Variants in ESR1 observed in about 807,000 individuals in gnomAD.
ESR1 encodes the protein estrogen receptor.
A neutral mutation model predicts 52.7 loss-of-function variants in ESR1; 12 were observed. That is an observed-to-expected ratio of 0.23 (90% CI 0.15 to 0.37). The LOEUF (loss-of-function observed/expected upper bound fraction) is 0.37, where lower values mean the gene tolerates loss of function less well. Among genes scored for constraint, ESR1 ranks in the 10% least tolerant of loss-of-function variants. The pLI, the probability that ESR1 is intolerant of heterozygous loss-of-function variation, is 1.00. For missense variants in ESR1, 584 were observed against 779.7 expected, an observed-to-expected ratio of 0.75 and a Z score of 2.99; for synonymous variants, 305 against 316.8, an observed-to-expected ratio of 0.96 and a Z score of 0.39.
rs2128526250 is a variant in ESR1 at position 151,944,212 on chromosome 6, A to T, written c.800A>T (p.His267Leu). The change falls in exon 4 of 8, where the codon CAC becomes CTC. Residue 267 changes from histidine to leucine, a missense_variant. Around this residue, in one of 6 missense-constraint regions of ESR1, gnomAD observed 88 missense variants for 88.3 expected, o/e 1.00. Coordinates refer to ENST00000206249, the MANE Select transcript of ESR1 (RefSeq NM_000125.4). ...CGAAGAGGAGGGAGAATGTTGAAAC[A>T]CAAGCGCCAGAGAGATGATGGGGAG... ...KDRRGGRMLK[H>L]KRQRDDGEGR... The T allele has an allele frequency of 1.2e-6, 2 of 1,614,116 alleles. No individual in the cohort carries two copies. Among genetic ancestry groups the T allele is most frequent in the South Asian group, 2.2e-5 (2 of 91,078 alleles).
intron 4 of ESR1, among the ~76,000 whole-genome samples, chr6:151,955,157 A>G (rs1224596984): frequency 6.6e-6 from 1 of 152,134 alleles, no homozygotes; most frequent in African/African-American, 2.4e-5. Context: ...CAGAATCTTT[A>G]GCATGACAGT....
intron 2 of ESR1, among the ~76,000 whole-genome samples, chr6:151,742,108 A>C (rs1783141694): frequency 6.6e-6 from 1 of 152,134 alleles, no homozygotes; most frequent in Non-Finnish European, 1.5e-5. Context: ...AAATGGCAAG[A>C]TCTCATTCGT....
chr6:151,925,248 T>C (rs2128471610), intron 3 of ESR1, among the ~76,000 whole-genome samples: 1 of 152,334 alleles, frequency 6.6e-6, no homozygotes, highest in Non-Finnish European at 1.5e-5. Flanking sequence ...TAGCATTTTT[T>C]CATTTGTTGC....
intron 1 of ESR1, among the ~76,000 whole-genome samples, chr6:151,661,636 G>A (rs1361115256): frequency 6.6e-6 from 1 of 152,190 alleles, no homozygotes; most frequent in African/African-American, 2.4e-5. Flanking sequence ...TTTGGGCACT[G>A]ACATGGTTTG....
intron 6 of ESR1, among the ~76,000 whole-genome samples, chr6:152,124,261 G>A (rs748318502): frequency 3.3e-5 from 5 of 152,088 alleles, no homozygotes; most frequent in South Asian, 2.1e-4. Flanking sequence ...AGCCATGATC[G>A]GAACACCACT....
intron 5 of ESR1, among the ~76,000 whole-genome samples, chr6:152,022,846 G>A (rs1350532701): frequency 2.6e-5 from 4 of 151,964 alleles, no homozygotes; most frequent in African/African-American, 9.7e-5. Context: ...GCTTGGTGGT[G>A]CATGCCTGTA....
At chr6:151,834,180 C>T (rs147052189) in intron 1 of ESR1, among the ~76,000 whole-genome samples, 1 of 152,244 alleles carries the variant, frequency 6.6e-6, no homozygotes, top group East Asian at 1.9e-4. Context: ...CCATTTGGCC[C>T]AGCAATCCCA....
At chr6:151,876,603 A>T (rs1218968084) in intron 2 of ESR1, among the ~76,000 whole-genome samples, 1 of 152,146 alleles carries the variant, frequency 6.6e-6, no homozygotes, top group Non-Finnish European at 1.5e-5. Context: ...ATCAGAAGAG[A>T]AGGAAAAAGA....
chr6:152,022,997 A>T (rs1222196450), intron 5 of ESR1, among the ~76,000 whole-genome samples: 1 of 151,626 alleles, frequency 6.6e-6, no homozygotes, highest in East Asian at 1.9e-4. Flanking sequence ...AAAAAGAGAG[A>T]AAAAGAAAAA....
At chr6:151,900,043 C>G (rs1459587887) in intron 3 of ESR1, among the ~76,000 whole-genome samples, 1 of 152,230 alleles carries the variant, frequency 6.6e-6, no homozygotes, top group Non-Finnish European at 1.5e-5. Context: ...CCAAGGCAGG[C>G]TGCTGGGAGG....
chr6:151,924,771 G>GT (rs964323335), intron 3 of ESR1, among the ~76,000 whole-genome samples: 12 of 151,776 alleles, frequency 7.9e-5, no homozygotes, highest in East Asian at 5.8e-4. Flanking sequence ...ATGCTCTCGT[G>GT]TTTTTTTTCT....
At position 151,924,415 on chromosome 6, in the gene ESR1, A is replaced by AATTTTT. The variant is rs561160754; in HGVS notation, c.761-19746_761-19741dup. On this transcript the variant is annotated intron_variant, in intron 3 of 7. Coordinates refer to ENST00000206249, the MANE Select transcript of ESR1 (RefSeq NM_000125.4). ...TTTGCCAACTGTATTTTTTTTAATT[A>AATTTTT]ATTTTTATTTTTATTTTATTTTGTA... Among the ~76,000 whole-genome samples the AATTTTT allele has an allele frequency of 3.6e-3, 542 of 152,134 alleles. 4 individuals are homozygous for AATTTTT. The highest frequency in any genetic ancestry group is 0.012 in the African/African-American group (518 of 41,522).
chr6:152,027,281 T>G (rs2044234158), intron 5 of ESR1, among the ~76,000 whole-genome samples: 1 of 152,116 alleles, frequency 6.6e-6, no homozygotes, highest in South Asian at 2.1e-4. Flanking sequence ...CTTATTTTTA[T>G]TACTTATATT....
intron 6 of ESR1, among the ~76,000 whole-genome samples, chr6:152,063,595 G>A (rs1179047200): frequency 2.0e-5 from 3 of 152,178 alleles, no homozygotes; most frequent in Admixed American, 1.3e-4. Context: ...GTCATATGAA[G>A]CATGTGGTCA....
At chr6:151,886,754 C>T (rs2128350363) in intron 3 of ESR1, among the ~76,000 whole-genome samples, 1 of 152,186 alleles carries the variant, frequency 6.6e-6, no homozygotes, top group African/African-American at 2.4e-5. Context: ...CAAAAGTAAA[C>T]AACCGGCTGG....
intron 4 of ESR1, among the ~76,000 whole-genome samples, chr6:151,949,246 A>T (rs1239892277): frequency 6.6e-6 from 1 of 152,228 alleles, no homozygotes; most frequent in Non-Finnish European, 1.5e-5. Flanking sequence ...AGTGAGTTTC[A>T]CTTAGCGAAT....
At chr6:151,924,283 C>T (rs181389417) in intron 3 of ESR1, among the ~76,000 whole-genome samples, 18 of 152,238 alleles carry the variant, frequency 1.2e-4, no homozygotes, top group African/African-American at 3.9e-4. Context: ...CCTTGTGATC[C>T]ACCCGCCCTG....
rs1385289999 is a variant in ESR1, at chr6:151,955,091, CAA to C, written c.1096+10585_1096+10586del. On this transcript the variant is annotated intron_variant, in intron 4 of 7. Coordinates refer to ENST00000206249, the MANE Select transcript of ESR1 (RefSeq NM_000125.4). ...ACACATAGCCCCAATCTCATAAAAT[CAA>C]AGAGATCTACCTAAATAGATTTGTT... Among the ~76,000 whole-genome samples the C allele has an allele frequency of 2.6e-5, 4 of 152,148 alleles. No individual in the cohort carries two copies. In the East Asian group the frequency reaches 5.8e-4, roughly 22 times the overall value.
intron 4 of ESR1, among the ~76,000 whole-genome samples, chr6:151,967,212 C>G (rs1053177300): frequency 6.6e-5 from 10 of 152,084 alleles, no homozygotes; most frequent in African/African-American, 2.4e-4. Context: ...ACTGTAAGTT[C>G]TGGGATACAT....
Sources: allele counts gnomAD v4.1 joint callset (sites outside exome capture counted in the v4.1 genomes callset), GRCh38; gene constraint gnomAD v4.1.1; regional missense constraint gnomAD v4.1.1; transcripts MANE v1.5; gene names NCBI Gene and HGNC (gene_info 2026-07-23, HGNC 2026-07-21).